Variants in GCH1 observed in about 807,000 individuals in gnomAD.
GCH1 encodes the protein GTP cyclohydrolase I.
Under a neutral mutation model 25.9 loss-of-function variants are expected in GCH1, and 5 were observed. That is an observed-to-expected ratio of 0.19 (90% confidence interval 0.10 to 0.41). The LOEUF is 0.41. GCH1 is among the 10% of genes least tolerant of loss of function. GCH1 has a pLI of 1.00. For missense variants in GCH1, 261 were observed against 336.5 expected (o/e 0.78, Z 1.75); for synonymous variants, 159 against 129.6 (o/e 1.23, Z -1.54).
intron 1 of GCH1, among the ~76,000 whole-genome samples, chr14:54,872,022 A>T (rs1423863145): frequency 6.6e-6 from 1 of 152,122 alleles, no homozygotes; most frequent in Non-Finnish European, 1.5e-5. Flanking sequence ...CCTCGAGAAG[A>T]GCAACTCCAA....
At chr14:54,876,353 G>C (rs975950490) in intron 1 of GCH1, among the ~76,000 whole-genome samples, 6 of 152,104 alleles carry the variant, frequency 3.9e-5, no homozygotes, top group African/African-American at 1.4e-4. Context: ...GGGGTGCGGG[G>C]AGAGGGGAGG....
At chr14:54,894,604 C>G (rs2040461920) in intron 1 of GCH1, among the ~76,000 whole-genome samples, 1 of 152,058 alleles carries the variant, frequency 6.6e-6, no homozygotes, top group Admixed American at 6.6e-5. Flanking sequence ...GATTTTTCTT[C>G]CCATGTCAGA....
chr14:54,843,580 C>G lies in GCH1; in HGVS notation c.*437G>C. On this transcript the variant is annotated 3_prime_UTR_variant, in exon 6 of 6. Coordinates refer to ENST00000491895, the MANE Select transcript of GCH1 (RefSeq NM_000161.3). ...CTTGAATTCACAGAGCAATACCGCA[C>G]TAAATATTTTAGCACTTTCGGCACT... The G allele has an allele frequency of 7.0e-7, 1 of 1,424,652 alleles. No homozygotes were observed. Among genetic ancestry groups the G allele is most frequent in the Middle Eastern group, 2.7e-4 (1 of 3,768 alleles). The allele number at this position is 1,424,652 out of a possible 1,614,324, so 88.3% of individuals were successfully genotyped here.
intron 1 of GCH1, among the ~76,000 whole-genome samples, chr14:54,869,278 A>G (rs1473560258): frequency 6.6e-6 from 1 of 151,940 alleles, no homozygotes; most frequent in Non-Finnish European, 1.5e-5. Flanking sequence ...TGACCTCGTG[A>G]TCTGCCAGCC....
intron 2 of GCH1, among the ~76,000 whole-genome samples, chr14:54,860,703 G>A (rs2039883659): frequency 6.6e-6 from 1 of 152,020 alleles, no homozygotes; most frequent in African/African-American, 2.4e-5. Flanking sequence ...ACCACACCCA[G>A]CTAATTTTTG....
rs140769304 is a variant in GCH1 at position 54,895,955 on chromosome 14, G to A, written c.343+6366C>T. On this transcript the variant is annotated intron_variant, in intron 1 of 5. Transcript: ENST00000491895. ...GTACACACTGGAAAGTAGGGAAAAG[G>A]TGCACAAGGAGACAGTCATGGAGAG... 2.0e-5 allele frequency among the ~76,000 whole-genome samples: 3 copies of A among 152,326 alleles called. No homozygotes were observed. The East Asian group carries it at 5.8e-4, about 29-fold the overall frequency.
In GCH1 at chr14:54,859,682, T is replaced by C. The variant is rs2039865673; in HGVS notation, c.508A>G (p.Arg170Gly). The C allele has an allele frequency of 1.9e-6, 3 of 1,574,122 alleles. No homozygotes were observed. The highest frequency in any genetic ancestry group is 2.6e-6 in the Non-Finnish European group (3 of 1,143,570). The change falls in exon 3 of 6, where the codon AGG (arginine) becomes GGG (glycine). Residue 170 changes from arginine to glycine, a missense_variant and splice_region_variant. By Grantham distance (125) the Arg-to-Gly change is moderately radical. Transcript: ENST00000491895. ...KQVLGLSKLA[R>G]IVEIYSRRLQ... Reference sequence around the variant, plus strand: ...TGTTCACTGCACAGTCACACTTACCTCGCAAGTTTGCTGAGGCCAAGGACT... The same window carrying C: ...TGTTCACTGCACAGTCACACTTACCCCGCAAGTTTGCTGAGGCCAAGGACT...
At chr14:54,893,505 C>A (rs1325953320) in intron 1 of GCH1, among the ~76,000 whole-genome samples, 1 of 151,992 alleles carries the variant, frequency 6.6e-6, no homozygotes, top group Non-Finnish European at 1.5e-5. Context: ...AATACAAAAG[C>A]GGGGATAGGT....
chr14:54,857,921 T>A (rs563845405), intron 3 of GCH1, among the ~76,000 whole-genome samples: 2 of 152,304 alleles, frequency 1.3e-5, no homozygotes, highest in Admixed American at 1.3e-4. Flanking sequence ...AGTGAAGCAA[T>A]TACAGCTATG....
At chr14:54,901,960 T>C (rs2040572224) in intron 1 of GCH1, among the ~76,000 whole-genome samples, 1 of 152,028 alleles carries the variant, frequency 6.6e-6, no homozygotes, top group African/African-American at 2.4e-5. Context: ...CGTGGGCAAG[T>C]TTGGAACCGC....
intron 1 of GCH1, among the ~76,000 whole-genome samples, chr14:54,883,715 A>G (rs2040307634): frequency 6.6e-6 from 1 of 152,144 alleles, no homozygotes; most frequent in Non-Finnish European, 1.5e-5. Flanking sequence ...GAGAGAAAAC[A>G]GACCCACTGC....
intron 3 of GCH1, 114 bp downstream of exon 3, chr14:54,859,567 C>T (rs866479196): frequency 1.3e-6 from 1 of 761,848 alleles, no homozygotes. Flanking sequence ...TGCAATATGA[C>T]TTCCAAGTTA....
chr14:54,859,900 A>G (rs2039868843), intron 2 of GCH1, among the ~76,000 whole-genome samples, 164 bp from the exon 3 acceptor site: 1 of 152,260 alleles, frequency 6.6e-6, no homozygotes, highest in Non-Finnish European at 1.5e-5. Context: ...AAAATGAAAC[A>G]TTTATATATG....
chr14:54,862,377 CTCTTTT>C (rs2039912169), intron 2 of GCH1, among the ~76,000 whole-genome samples: 3 of 115,812 alleles, frequency 2.6e-5, no homozygotes, highest in African/African-American at 7.5e-5. Context: ...TGAAGCACTA[CTCTTTT>C]TTTTTTTTTT....
intron 2 of GCH1, among the ~76,000 whole-genome samples, chr14:54,860,402 C>T (rs2039877802): frequency 6.6e-6 from 1 of 152,074 alleles, no homozygotes. Flanking sequence ...ATTGCCATTC[C>T]ACACATCACA....
intron 3 of GCH1, among the ~76,000 whole-genome samples, chr14:54,852,504 C>T (rs146780867): frequency 6.4e-4 from 97 of 152,248 alleles, no homozygotes; most frequent in Non-Finnish European, 1.2e-3. Context: ...AGATCAGATA[C>T]GCCAAATCAC....
chr14:54,848,891 T>C (rs1468282796), intron 3 of GCH1, among the ~76,000 whole-genome samples: 1 of 152,236 alleles, frequency 6.6e-6, no homozygotes, highest in Non-Finnish European at 1.5e-5. Flanking sequence ...CTAGGTCAAA[T>C]TTCTGTATAT....
At chr14:54,844,541 G>A (rs2039611653) in intron 5 of GCH1, among the ~76,000 whole-genome samples, 1 of 152,212 alleles carries the variant, frequency 6.6e-6, no homozygotes, top group Admixed American at 6.5e-5. Flanking sequence ...TCTGCCTTCA[G>A]GACCAAGACA....
intron 1 of GCH1, among the ~76,000 whole-genome samples, chr14:54,872,790 CAAG>C (rs2040100188): frequency 6.6e-6 from 1 of 152,164 alleles, no homozygotes; most frequent in Non-Finnish European, 1.5e-5. Flanking sequence ...TTCAATTCAA[CAAG>C]AAGAGCTAAC....
Sources: allele counts gnomAD v4.1 joint callset (sites outside exome capture counted in the v4.1 genomes callset), GRCh38; gene constraint gnomAD v4.1.1; transcripts MANE v1.5; gene names NCBI Gene and HGNC (gene_info 2026-07-23, HGNC 2026-07-21).